DNAJC13: variants seen among roughly 807,000 people sequenced by gnomAD.
DNAJC13 encodes the protein dnaJ homolog subfamily C member 13.
Under a neutral mutation model 290.5 loss-of-function variants are expected in DNAJC13, and 75 were observed. That is an observed-to-expected ratio of 0.26 (90% CI 0.21 to 0.31). The LOEUF is 0.31. Among genes scored for constraint, DNAJC13 ranks in the 10% least tolerant of loss-of-function variants. DNAJC13 has a pLI of 1.00. For synonymous variants in DNAJC13, 862 were observed against 892.0 expected (o/e 0.97, Z 0.60); for missense variants, 2,260 against 2,674.5 (o/e 0.85, Z 3.42).
At chr3:132,499,602 C>G (rs142023724) in intron 37 of DNAJC13, 132 bp from the exon 38 acceptor site, 1 of 840,358 alleles carries the variant, frequency 1.2e-6, no homozygotes, top group Non-Finnish European at 1.9e-6. Context: ...TATTTATTAA[C>G]AAATGTTGAT....
At chr3:132,441,795 GA>G (rs1374960663) in intron 2 of DNAJC13, among the ~76,000 whole-genome samples, 2 of 152,152 alleles carry the variant, frequency 1.3e-5, no homozygotes, top group African/African-American at 4.8e-5. Flanking sequence ...ATTCGAGTCA[GA>G]AATTAACTTT....
Position 132,456,939 on chromosome 3 carries a change from TA to T in DNAJC13, c.1349+108del, listed in dbSNP as rs987311945. ...TTCCTTGACTAAACCAGATACCTTTTATAGGGTGATATGGTACTTTATTCAT... is the reference window on the plus strand; with the variant it reads ...TTCCTTGACTAAACCAGATACCTTTTTAGGGTGATATGGTACTTTATTCAT... On this transcript the variant is annotated intron_variant, in intron 12 of 55. Coordinates refer to ENST00000260818, the MANE Select transcript of DNAJC13 (RefSeq NM_015268.4). 5.0e-6 allele frequency: 6 copies of T among 1,194,020 alleles called. No homozygotes were observed. The African/African-American group carries it at 9.2e-5, about 18-fold the overall frequency. The allele number at this position is 1,194,020 out of a possible 1,614,324, so 74.0% of individuals were successfully genotyped here. A position where few individuals can be genotyped will look rare whatever the true frequency, so the allele number is the denominator to read the frequency against.
chr3:132,466,224 G>A (rs1933976168), intron 18 of DNAJC13, 75 bp from the exon 19 acceptor site: 1 of 1,488,548 alleles, frequency 6.7e-7, no homozygotes, highest in Non-Finnish European at 9.1e-7. Flanking sequence ...CTAAGCCACA[G>A]TATTAATTTA....
intron 47 of DNAJC13, 104 bp downstream of exon 47, chr3:132,516,600 T>G: frequency 6.6e-7 from 1 of 1,523,612 alleles, no homozygotes; most frequent in Non-Finnish European, 9.0e-7. Context: ...TTTGGAATGT[T>G]TACAGTTTTT....
At chr3:132,510,541 G>A (rs1452370632) in intron 43 of DNAJC13, among the ~76,000 whole-genome samples, 1 of 152,046 alleles carries the variant, frequency 6.6e-6, no homozygotes, top group African/African-American at 2.4e-5. Flanking sequence ...GTGGCAAAGA[G>A]GATTTGGTGG....
At chr3:132,431,546 A>G (rs1939240710) in intron 1 of DNAJC13, among the ~76,000 whole-genome samples, 1 of 152,188 alleles carries the variant, frequency 6.6e-6, no homozygotes, top group African/African-American at 2.4e-5. Flanking sequence ...AAGGCTCTCG[A>G]TAATTGGTAA....
intron 55 of DNAJC13, among the ~76,000 whole-genome samples, chr3:132,533,742 ATT>A (rs1430011973): frequency 6.6e-6 from 1 of 152,286 alleles, no homozygotes; most frequent in Non-Finnish European, 1.5e-5. Context: ...GCCTCTTCTA[ATT>A]CTTCTGTTCA....
At chr3:132,483,796 T>G (rs1264043377) in intron 28 of DNAJC13, among the ~76,000 whole-genome samples, 1 of 152,228 alleles carries the variant, frequency 6.6e-6, no homozygotes, top group African/African-American at 2.4e-5. Context: ...CAAATAATGT[T>G]ACAAAACTGA....
In DNAJC13 at chr3:132,480,350, A is replaced by G. The variant is rs769181528; in HGVS notation, c.2773-19A>G. 1 of 1,580,678 alleles carries G rather than the reference A, an allele frequency of 6.3e-7. No individual in the cohort carries two copies. Among genetic ancestry groups the G allele is most frequent in the Admixed American group, 1.7e-5 (1 of 59,640 alleles). ...ATGAAAAATGTTTAGATTACGAAAA[A>G]AATGTTTTCCTCTTCCAGAAAAATG... On this transcript the variant is annotated intron_variant, in intron 25 of 55. Coordinates refer to ENST00000260818, the MANE Select transcript of DNAJC13 (RefSeq NM_015268.4).
At chr3:132,518,325 T>C (rs1935983938) in intron 48 of DNAJC13, among the ~76,000 whole-genome samples, 1 of 152,226 alleles carries the variant, frequency 6.6e-6, no homozygotes, top group Admixed American at 6.5e-5. Context: ...AACACCTTAA[T>C]TGCAAGAGAT....
chr3:132,490,100 CAG>C (rs1382229176), intron 31 of DNAJC13, among the ~76,000 whole-genome samples: 1 of 152,142 alleles, frequency 6.6e-6, no homozygotes, highest in Non-Finnish European at 1.5e-5. Context: ...AAAAGTTTAA[CAG>C]ATAGTGAATT....
In DNAJC13 at chr3:132,448,085, T is replaced by C. The variant is rs570371231; in HGVS notation, c.336+146T>C. The C allele has an allele frequency of 7.0e-5, 40 of 574,132 alleles. No homozygotes were observed. In the Middle Eastern group the frequency reaches 1.4e-3, roughly 20 times the overall value. The allele number at this position is 574,132 out of a possible 1,614,324, so 35.6% of individuals were successfully genotyped here. A position where few individuals can be genotyped will look rare whatever the true frequency, so the allele number is the denominator to read the frequency against. ...TGTAATGTCTCCTGATATCATGTTA[T>C]GTAGTTTAACAGGAAACTCAAATAT... On this transcript the variant is annotated intron_variant, in intron 5 of 55. Transcript: ENST00000260818.
intron 42 of DNAJC13, 86 bp from the exon 43 acceptor site, chr3:132,507,151 T>C: frequency 1.2e-6 from 1 of 865,006 alleles, no homozygotes; most frequent in South Asian, 1.7e-5. Context: ...TATGCATAGA[T>C]CTCTCAAGTT....
At chr3:132,488,934 A>G (rs1576494806) in intron 30 of DNAJC13, 42 bp from the exon 31 acceptor site, 1 of 1,494,948 alleles carries the variant, frequency 6.7e-7, no homozygotes, top group Non-Finnish European at 9.3e-7. Flanking sequence ...CAAAAACTAA[A>G]TCGGTTTCTA....
rs770002870 is a variant in DNAJC13 at position 132,492,525 on chromosome 3, A to G, written c.3735A>G (p.Pro1245=). The change falls in exon 33 of 56, where the codon CCA becomes CCG. Residue 1245 remains proline (P), a synonymous_variant. Transcript: ENST00000260818. ...QYCPIPIINY[P]QLENELFCNI... is the part of the protein sequence containing the mutation. The stretch of plus-strand genomic sequence containing the variant: ...GCCCCATTCCTATAATCAACTATCC[A>G]CAACTCGAAAATGAACTATTTTGTA... 3 of 1,613,874 alleles carry G rather than the reference A, an allele frequency of 1.9e-6. No homozygotes were observed. Among genetic ancestry groups the G allele is most frequent in the South Asian group, 1.1e-5 (1 of 91,076 alleles).
chr3:132,525,634 A>T lies in DNAJC13; in HGVS notation c.6085A>T (p.Met2029Leu). ...PHGETLETLTMATVCLFSAQP... is the reference protein window; with the variant it reads ...PHGETLETLTLATVCLFSAQP... ...GGGAGAAACTCTGGAAACCTTGACA[A>T]TGGCAACAGTGTGTCTCTTCAGCGC... The change falls in exon 52 of 56, where the codon ATG becomes TTG. Residue 2029 changes from methionine to leucine, a missense_variant. Coordinates refer to ENST00000260818, the MANE Select transcript of DNAJC13 (RefSeq NM_015268.4). The T allele has an allele frequency of 6.2e-7, 1 of 1,613,838 alleles. No homozygotes were observed. Among genetic ancestry groups the T allele is most frequent in the South Asian group, 1.1e-5 (1 of 90,982 alleles).
At chr3:132,427,421 G>A (rs1160395646) in intron 1 of DNAJC13, among the ~76,000 whole-genome samples, 1 of 152,088 alleles carries the variant, frequency 6.6e-6, no homozygotes, top group Non-Finnish European at 1.5e-5. Context: ...ACAGGCGTGA[G>A]CCATCGCACC....
At chr3:132,531,421 A>T (rs1216208031) in intron 55 of DNAJC13, among the ~76,000 whole-genome samples, 1 of 152,228 alleles carries the variant, frequency 6.6e-6, no homozygotes, top group African/African-American at 2.4e-5. Flanking sequence ...CTGCTGAGGA[A>T]TATCAGTGTC....
intron 49 of DNAJC13, 30 bp downstream of exon 49, chr3:132,523,027 G>T: frequency 6.2e-7 from 1 of 1,602,090 alleles, no homozygotes; most frequent in Non-Finnish European, 8.5e-7. Flanking sequence ...ATAATTTATA[G>T]CCTTTAAATA....
Sources: gnomAD v4.1 joint callset for allele counts (sites outside exome capture counted in the v4.1 genomes callset) on GRCh38, gnomAD v4.1.1 for gene constraint, MANE v1.5 for transcripts, NCBI Gene and HGNC (gene_info 2026-07-23, HGNC 2026-07-21) for gene names.